IGSF5: variants seen among roughly 807,000 people sequenced by gnomAD.
IGSF5 encodes immunoglobulin superfamily 5 like.
A neutral mutation model predicts 39.4 loss-of-function variants in IGSF5; 41 were observed. The ratio of observed to expected loss-of-function variants is 1.04; its 90% CI spans 0.81 to 1.35. IGSF5 has a LOEUF of 1.35. IGSF5 is among the 40% of genes most tolerant of loss of function. The probability of loss-of-function intolerance (pLI) is 0.00; values close to 1 mark genes in which losing one functional copy is unlikely to be tolerated. For synonymous variants in IGSF5, 183 were observed against 175.3 expected, an observed-to-expected ratio of 1.04 and a Z score of -0.34; for missense variants, 487 against 494.6, an observed-to-expected ratio of 0.98 and a Z score of 0.15.
At chr21:39,738,408 A>AC in the IGSF5 span, among the ~76,000 whole-genome samples, 1 of 152,234 alleles carries the variant, frequency 6.6e-6, no homozygotes, top group Non-Finnish European at 1.5e-5. This position sits in a 1 kb window ranked among gnomAD's most constrained non-coding sequence, Gnocchi z 6.4. Flanking sequence ...ATACGCAGGA[A>AC]TTAACGGAGC....
At chr21:39,725,030 G>A in the IGSF5 span, among the ~76,000 whole-genome samples, 40 of 152,306 alleles carry the variant, frequency 2.6e-4, no homozygotes, top group East Asian at 5.2e-3. Flanking sequence ...CCATCTCATC[G>A]TGCTGGCAAA....
At chr21:39,713,916 G>C in the IGSF5 span, among the ~76,000 whole-genome samples, 1,148 of 152,262 alleles carry the variant, frequency 7.5e-3, 15 homozygotes, top group African/African-American at 0.026. Flanking sequence ...GTTGCATTTT[G>C]TTCATTCAGC....
chr21:39,770,347 A>T (rs997297604), intron 3 of IGSF5, among the ~76,000 whole-genome samples: 1 of 152,198 alleles, frequency 6.6e-6, no homozygotes, highest in Non-Finnish European at 1.5e-5. Context: ...TTAGATTGGA[A>T]TTCGATTTAA....
chr21:39,779,423 T>G, intron 5 of IGSF5, 118 bp downstream of exon 5: 1 of 1,295,596 alleles, frequency 7.7e-7, no homozygotes, highest in East Asian at 2.4e-5. Flanking sequence ...TCACTTTACC[T>G]CTATTAGAAA....
chr21:39,801,153 C>A, intron 8 of IGSF5, 109 bp from the exon 9 acceptor site: 1 of 761,792 alleles, frequency 1.3e-6, no homozygotes, highest in South Asian at 1.6e-5. Context: ...TTTTGTTCCT[C>A]TCCGTACCTT....
At chr21:39,732,441 C>T in the IGSF5 span, among the ~76,000 whole-genome samples, 2 of 152,282 alleles carry the variant, frequency 1.3e-5, no homozygotes, top group South Asian at 4.1e-4. Context: ...ATTGTTCTAA[C>T]CTGCTTTCTT....
chr21:39,782,432 A>T (rs1319105739), intron 5 of IGSF5, among the ~76,000 whole-genome samples: 2 of 152,190 alleles, frequency 1.3e-5, no homozygotes, highest in African/African-American at 4.8e-5. Flanking sequence ...TTACACTTTT[A>T]TGCAACCATC....
intron 6 of IGSF5, among the ~76,000 whole-genome samples, chr21:39,790,341 G>A (rs1325006552): frequency 2.6e-5 from 4 of 152,184 alleles, no homozygotes; most frequent in Non-Finnish European, 4.4e-5. Context: ...TGTTTGAATA[G>A]TTTTCAGGTT....
At chr21:39,787,580 G>T (rs1601139832) in intron 5 of IGSF5, among the ~76,000 whole-genome samples, 1 of 141,136 alleles carries the variant, frequency 7.1e-6, no homozygotes, top group African/African-American at 2.6e-5. Context: ...TTGGTGGGGT[G>T]GGGGCACAAC....
the IGSF5 span, among the ~76,000 whole-genome samples, chr21:39,736,725 T>G: frequency 1.3e-5 from 2 of 152,164 alleles, no homozygotes; most frequent in Admixed American, 6.5e-5. Flanking sequence ...TACTAAGGCA[T>G]ATGCATTGTT....
chr21:39,742,424 C>A (rs1481083010), upstream of IGSF5, among the ~76,000 whole-genome samples: 2 of 152,184 alleles, frequency 1.3e-5, no homozygotes, highest in East Asian at 3.9e-4. Context: ...CACCGGCGTC[C>A]AGGAGACAGT....
rs186828368 is a variant in IGSF5, at chr21:39,759,690, C to T, written c.101-5845C>T. 1.7e-3 allele frequency among the ~76,000 whole-genome samples: 253 copies of T among 151,784 alleles called. 2 individuals carry two copies. The highest frequency in any genetic ancestry group is 1.6e-3 in the East Asian group (8 of 5,158). On this transcript the variant is annotated intron_variant, in intron 2 of 8. Transcript: ENST00000380588. ...GACCATCCTGGCTAACATGGCGAAA[C>T]CCTATCTCTACTAAAAAATACAAAA...
chr21:39,798,373 C>A (rs2087009593), intron 8 of IGSF5, among the ~76,000 whole-genome samples: 1 of 152,180 alleles, frequency 6.6e-6, no homozygotes. Context: ...GGAGTGGGTT[C>A]TACTGGGGTT....
chr21:39,743,071 T>C (rs774442190), upstream of IGSF5, among the ~76,000 whole-genome samples: 2 of 152,328 alleles, frequency 1.3e-5, no homozygotes, highest in South Asian at 4.1e-4. Context: ...GTGTACATCA[T>C]TGAATAATTC....
chr21:39,716,334 T>G, the IGSF5 span, among the ~76,000 whole-genome samples: 3 of 152,214 alleles, frequency 2.0e-5, no homozygotes, highest in African/African-American at 7.2e-5. Context: ...ACGAGAATTT[T>G]TTTTTCTTTT....
At position 39,767,276 on chromosome 21, in the gene IGSF5, G is replaced by A. The variant is rs143530671; in HGVS notation, c.418+1424G>A. 4.4e-3 allele frequency among the ~76,000 whole-genome samples: 670 copies of A among 152,206 alleles called. 5 individuals carry two copies. Among genetic ancestry groups the A allele is most frequent in the African/African-American group, 0.015 (613 of 41,524 alleles). On this transcript the variant is annotated intron_variant, in intron 3 of 8. Transcript: ENST00000380588. ...CTTTAACCTGGAGATGAATCTTCCC[G>A]GCCCACCTCATGGGTTTGTTGTGTG...
At chr21:39,770,328 C>A (rs1601131176) in intron 3 of IGSF5, among the ~76,000 whole-genome samples, 2 of 152,180 alleles carry the variant, frequency 1.3e-5, no homozygotes, top group East Asian at 3.9e-4. Flanking sequence ...TTAGTTATTT[C>A]TGTAAATATT....
intron 2 of IGSF5, among the ~76,000 whole-genome samples, chr21:39,756,089 TCAAA>T (rs10533195): frequency 0.55 from 83,372 of 151,126 alleles, 24,306 homozygotes; most frequent in East Asian, 0.95. Context: ...GGACTCGGTC[TCAAA>T]CAAACAAACA....
chr21:39,775,283 C>T (rs1419626393), intron 4 of IGSF5, among the ~76,000 whole-genome samples: 1 of 152,188 alleles, frequency 6.6e-6, no homozygotes, highest in East Asian at 1.9e-4. Flanking sequence ...AATTACTTAC[C>T]CTCTCTGAGC....
Sources: allele counts gnomAD v4.1 joint callset (sites outside exome capture counted in the v4.1 genomes callset), GRCh38; gene constraint gnomAD v4.1.1; non-coding constraint Gnocchi (gnomAD v3.1); transcripts MANE v1.5; gene names NCBI Gene and HGNC (gene_info 2026-07-23, HGNC 2026-07-21).